The following ZNF682 variants were observed in gnomAD, a reference collection of about 807,000 sequenced individuals.
The protein encoded by ZNF682 is zinc finger protein 682.
Under a neutral mutation model 36.5 loss-of-function variants are expected in ZNF682, and 29 were observed. That is an observed-to-expected ratio of 0.80 (90% CI 0.59 to 1.08). The LOEUF (loss-of-function observed/expected upper bound fraction) is 1.08. Ranked by LOEUF, ZNF682 falls within the 50% of genes least tolerant of loss-of-function variation. The pLI, the probability that ZNF682 is intolerant of heterozygous loss-of-function variation, is 0.00. For synonymous variants in ZNF682, 180 were observed against 197.0 expected (o/e 0.91, Z 0.72); for missense variants, 561 against 579.7 (o/e 0.97, Z 0.33).
At chr19:20,003,387 T>C (rs1393836874), downstream of ZNF682, among the ~76,000 whole-genome samples, 15 of 151,810 alleles carry the variant, frequency 9.9e-5, no homozygotes, top group African/African-American at 3.6e-4. Context: ...GCAGATTATA[T>C]AAAGAATACT....
chr19:20,022,195 A>G (rs936189882), intron 3 of ZNF682, among the ~76,000 whole-genome samples: 1 of 151,564 alleles, frequency 6.6e-6, no homozygotes, highest in Non-Finnish European at 1.5e-5. Flanking sequence ...TATTAAAAAA[A>G]AAAGAAAGAA....
At chr19:20,000,538 G>C (rs1471820183), downstream of ZNF682, among the ~76,000 whole-genome samples, 3 of 152,264 alleles carry the variant, frequency 2.0e-5, no homozygotes, top group Admixed American at 2.0e-4. Flanking sequence ...CAAGAGGTGA[G>C]GGCATTCTTC....
At chr19:19,996,669 G>A (rs557414112), downstream of ZNF682, among the ~76,000 whole-genome samples, 4 of 152,218 alleles carry the variant, frequency 2.6e-5, no homozygotes, top group East Asian at 3.9e-4. Flanking sequence ...ATGAATTTTC[G>A]GGGAGGAAAA....
intron 3 of ZNF682, among the ~76,000 whole-genome samples, chr19:20,009,369 T>C (rs943595294): frequency 2.0e-5 from 3 of 152,164 alleles, no homozygotes; most frequent in African/African-American, 7.2e-5. Flanking sequence ...CTGAGAAATA[T>C]GGAATTATGT....
At chr19:20,030,297 C>A (rs565465020) in intron 1 of ZNF682, among the ~76,000 whole-genome samples, 1 of 152,162 alleles carries the variant, frequency 6.6e-6, no homozygotes, top group African/African-American at 2.4e-5. Context: ...GGGCTGGGCG[C>A]GGTGGCTCAT....
At chr19:20,009,751 T>G (rs2088266341) in intron 3 of ZNF682, among the ~76,000 whole-genome samples, 1 of 152,224 alleles carries the variant, frequency 6.6e-6, no homozygotes. Context: ...CCAGGTGCAG[T>G]GGCTCACGTC....
chr19:20,010,004 AG>A (rs1442045715), intron 3 of ZNF682, among the ~76,000 whole-genome samples: 4 of 152,002 alleles, frequency 2.6e-5, no homozygotes, highest in Non-Finnish European at 5.9e-5. Context: ...TGGGCCACAG[AG>A]CGAGACTCCA....
intron 3 of ZNF682, among the ~76,000 whole-genome samples, chr19:19,998,983 A>G (rs2088145374): frequency 2.0e-5 from 3 of 151,986 alleles, no homozygotes; most frequent in African/African-American, 4.8e-5. Context: ...TAATGGTACT[A>G]TGAGGTGGGG....
chr19:19,997,068 G>GAA (rs879659476), exon 4 of ZNF682: 174 of 324,256 alleles, frequency 5.4e-4, no homozygotes, highest in Middle Eastern at 1.5e-3. Context: ...ATAAGACAAG[G>GAA]AAAAAAAAAA....
intron 2 of ZNF682, among the ~76,000 whole-genome samples, chr19:20,023,467 C>A (rs1392935757): frequency 1.3e-5 from 2 of 151,786 alleles, no homozygotes; most frequent in African/African-American, 4.8e-5. Flanking sequence ...CTGCACACTC[C>A]AGCCTGGCAA....
At chr19:19,998,480 T>C (rs1010791097) in intron 3 of ZNF682, among the ~76,000 whole-genome samples, 3 of 152,190 alleles carry the variant, frequency 2.0e-5, no homozygotes, top group Admixed American at 2.0e-4. Context: ...TATCTGCTTC[T>C]TTCTTACAAC....
In ZNF682 at chr19:20,008,362, C is replaced by A. The variant is rs1217465539; in HGVS notation, c.227-1087G>T. 9.2e-5 allele frequency among the ~76,000 whole-genome samples: 14 copies of A among 152,340 alleles called. No individual in the cohort carries two copies. In the East Asian group the frequency reaches 2.5e-3, roughly 27 times the overall value. On this transcript the variant is annotated intron_variant, in intron 3 of 3. Transcript: ENST00000397165. ...TGCAGATGGCTTGGGACAAGCCTAG[C>A]CAATTCAGCCTGCTCCCAGGGAAGA...
At chr19:19,997,673 C>T (rs1031424754) in intron 3 of ZNF682, among the ~76,000 whole-genome samples, 8 of 152,192 alleles carry the variant, frequency 5.3e-5, no homozygotes, top group African/African-American at 1.9e-4. Context: ...GTAAAGAGCA[C>T]ACCCCAAAAG....
chr19:20,012,410 C>T (rs770000617), intron 3 of ZNF682, among the ~76,000 whole-genome samples: 3 of 152,150 alleles, frequency 2.0e-5, no homozygotes, highest in Non-Finnish European at 4.4e-5. Flanking sequence ...AACAGACAAC[C>T]TATTGGGAGA....
chr19:19,996,421 T>C (rs1157783054), downstream of ZNF682, among the ~76,000 whole-genome samples: 1 of 152,112 alleles, frequency 6.6e-6, no homozygotes, highest in Non-Finnish European at 1.5e-5. Context: ...TGCAAAAATA[T>C]GGAACTAGAT....
intron 1 of ZNF682, among the ~76,000 whole-genome samples, chr19:20,037,596 C>T (rs912518524): frequency 9.3e-5 from 6 of 64,740 alleles, no homozygotes; most frequent in Admixed American, 6.9e-4. Context: ...GACATTTTCC[C>T]GCCCCATCCT....
intron 3 of ZNF682, among the ~76,000 whole-genome samples, chr19:20,014,649 A>T (rs2088319306): frequency 6.6e-6 from 1 of 151,552 alleles, no homozygotes; most frequent in Non-Finnish European, 1.5e-5. Context: ...GCGTGGTGGC[A>T]CGTGCCTGTA....
At chr19:20,009,928 G>A (rs1284633125) in intron 3 of ZNF682, among the ~76,000 whole-genome samples, 3 of 151,962 alleles carry the variant, frequency 2.0e-5, no homozygotes, top group Non-Finnish European at 2.9e-5. Flanking sequence ...GCTGAGGCAC[G>A]AGAATTGCTT....
downstream of ZNF682, among the ~76,000 whole-genome samples, chr19:19,996,726 C>T (rs2088130663): frequency 6.6e-6 from 1 of 152,132 alleles, no homozygotes; most frequent in African/African-American, 2.4e-5. Flanking sequence ...GTAGTGTTTA[C>T]TGCTCAGATG....
Sources: allele counts gnomAD v4.1 joint callset (sites outside exome capture counted in the v4.1 genomes callset), GRCh38; gene constraint gnomAD v4.1.1; transcripts MANE v1.5; gene names NCBI Gene and HGNC (gene_info 2026-07-23, HGNC 2026-07-21).